Variants in SLC35F1 observed in about 807,000 individuals in gnomAD.
The protein encoded by SLC35F1 is solute carrier family 35 member F1, also known as chromosome 6 open reading frame 169.
Under a neutral mutation model 48.7 loss-of-function variants are expected in SLC35F1, and 14 were observed. The observed-to-expected ratio is 0.29, with a 90% confidence interval of 0.19 to 0.45. The LOEUF is 0.45. SLC35F1 is among the 20% of genes least tolerant of loss of function. SLC35F1 has a pLI of 1.00. For missense variants in SLC35F1, 404 were observed against 500.0 expected (o/e 0.81, Z 1.83); for synonymous variants, 190 against 202.2 (o/e 0.94, Z 0.51).
rs760546073 is a variant in SLC35F1 at position 118,314,252 on chromosome 6, G to A, written c.1227G>A (p.Ter409=). The A allele has an allele frequency of 6.2e-7, 1 of 1,613,908 alleles. No homozygotes were observed. Among genetic ancestry groups the A allele is most frequent in the Non-Finnish European group, 8.5e-7 (1 of 1,179,786 alleles). The part of the protein sequence containing the change: ...TEEEPHVRVA[*] ...AGGAGCCTCATGTTCGTGTGGCCTA[G>A]GGTGAGGCCCGCCCTGCCAACTGAG... The change falls in exon 8 of 8, where the codon TAG becomes TAA. Residue 409 remains the stop codon, a stop_retained_variant. Transcript: ENST00000360388.
At chr6:118,017,550 T>C (rs780839142) in intron 1 of SLC35F1, among the ~76,000 whole-genome samples, 7 of 152,144 alleles carry the variant, frequency 4.6e-5, no homozygotes, top group Admixed American at 6.5e-5. Flanking sequence ...AAGTAGAGAG[T>C]GCTCTTCTAA....
chr6:118,025,978 A>T (rs908376680), intron 1 of SLC35F1, among the ~76,000 whole-genome samples: 1 of 152,200 alleles, frequency 6.6e-6, no homozygotes, highest in African/African-American at 2.4e-5. Flanking sequence ...CATTCAACAC[A>T]TGCTTTTGGG....
chr6:117,984,804 A>G (rs1371995401), intron 1 of SLC35F1, among the ~76,000 whole-genome samples: 2 of 152,216 alleles, frequency 1.3e-5, no homozygotes, highest in Non-Finnish European at 2.9e-5. Context: ...CTTTCTACAG[A>G]TGCGTAAACT....
chr6:118,202,500 A>G (rs113179789), intron 2 of SLC35F1, among the ~76,000 whole-genome samples: 114 of 152,300 alleles, frequency 7.5e-4, no homozygotes, highest in African/African-American at 2.6e-3. Context: ...CTGTCCCAAA[A>G]TAAAATAAAA....
At position 118,031,860 on chromosome 6, in the gene SLC35F1, C is replaced by T. The variant is rs553337787; in HGVS notation, c.174-122585C>T. Among the ~76,000 whole-genome samples, 193 of 152,186 alleles carry T rather than the reference C, an allele frequency of 1.3e-3. 1 individual carries two copies. The highest frequency in any genetic ancestry group is 4.0e-3 in the African/African-American group (166 of 41,516). On this transcript the variant is annotated intron_variant, in intron 1 of 7. Coordinates refer to ENST00000360388, the MANE Select transcript of SLC35F1 (RefSeq NM_001029858.4). The stretch of plus-strand genomic sequence containing the variant: ...TGCTATGGAAAGGGGTGGTAACTCC[C>T]AGGTGTTGCCGTGGCAATGGTAAAC...
chr6:118,012,040 C>T (rs4945606), intron 1 of SLC35F1, among the ~76,000 whole-genome samples: 55,155 of 151,736 alleles, frequency 0.36, 10,661 homozygotes, highest in South Asian at 0.51. Flanking sequence ...TTGTTAACAA[C>T]AGGGTTAATG....
chr6:118,192,573 A>G (rs913476253), intron 2 of SLC35F1, among the ~76,000 whole-genome samples: 1 of 152,228 alleles, frequency 6.6e-6, no homozygotes, highest in South Asian at 2.1e-4. Context: ...TACACAATTA[A>G]CAAGGAAATT....
intron 1 of SLC35F1, among the ~76,000 whole-genome samples, chr6:118,105,686 A>G (rs1430593224): frequency 6.6e-6 from 1 of 152,138 alleles, no homozygotes; most frequent in African/African-American, 2.4e-5. Context: ...CTGTATTTTC[A>G]TCACACTCTT....
intron 3 of SLC35F1, among the ~76,000 whole-genome samples, chr6:118,257,035 G>T (rs748190230): frequency 6.6e-6 from 1 of 152,146 alleles, no homozygotes; most frequent in African/African-American, 2.4e-5. Context: ...ACATGAACAT[G>T]TATGTCATCT....
chr6:117,963,631 C>A (rs1776524739), intron 1 of SLC35F1, among the ~76,000 whole-genome samples: 1 of 152,030 alleles, frequency 6.6e-6, no homozygotes, highest in Non-Finnish European at 1.5e-5. Flanking sequence ...CCCCTGAATT[C>A]TTGAAGATTT....
chr6:118,132,909 T>A (rs552585982), intron 1 of SLC35F1, among the ~76,000 whole-genome samples: 6 of 152,288 alleles, frequency 3.9e-5, no homozygotes, highest in Admixed American at 6.5e-5. Flanking sequence ...TTGTCGGGAC[T>A]TTTTTAGTGG....
chr6:118,110,676 C>A (rs887352086), intron 1 of SLC35F1, among the ~76,000 whole-genome samples: 1 of 152,122 alleles, frequency 6.6e-6, no homozygotes, highest in East Asian at 1.9e-4. Flanking sequence ...TTTTGTCTCT[C>A]CTATTGTCTC....
intron 1 of SLC35F1, among the ~76,000 whole-genome samples, chr6:118,141,848 T>TA (rs1773895170): frequency 6.6e-6 from 1 of 152,332 alleles, no homozygotes; most frequent in African/African-American, 2.4e-5. Context: ...CAGTCCTCGT[T>TA]TCACTGGACT....
chr6:118,085,821 T>C (rs72961815), intron 1 of SLC35F1, among the ~76,000 whole-genome samples: 7 of 152,240 alleles, frequency 4.6e-5, no homozygotes, highest in Non-Finnish European at 1.0e-4. Flanking sequence ...ATTTAAGCAT[T>C]TGATGGATGG....
At chr6:117,964,448 A>G (rs995690967) in intron 1 of SLC35F1, among the ~76,000 whole-genome samples, 10 of 152,202 alleles carry the variant, frequency 6.6e-5, no homozygotes, top group African/African-American at 2.4e-4. Flanking sequence ...CTAAACTACT[A>G]TTTGTACACT....
intron 2 of SLC35F1, among the ~76,000 whole-genome samples, chr6:118,160,279 T>C (rs576519303): frequency 6.6e-6 from 1 of 152,236 alleles, no homozygotes; most frequent in South Asian, 2.1e-4. Context: ...AAGTTTTGCT[T>C]TTTCATTGAA....
At chr6:117,999,670 T>G (rs1777061005) in intron 1 of SLC35F1, among the ~76,000 whole-genome samples, 1 of 151,976 alleles carries the variant, frequency 6.6e-6, no homozygotes, top group South Asian at 2.1e-4. Context: ...GCTGGTTTTT[T>G]GAAAGGATCA....
chr6:118,127,641 C>T (rs1377810982), intron 1 of SLC35F1, among the ~76,000 whole-genome samples: 1 of 151,800 alleles, frequency 6.6e-6, no homozygotes, highest in Non-Finnish European at 1.5e-5. Flanking sequence ...CTTCCTTACA[C>T]CTTATACAAA....
At chr6:118,074,289 A>G (rs111536246) in intron 1 of SLC35F1, among the ~76,000 whole-genome samples, 2,218 of 152,348 alleles carry the variant, frequency 0.015, 62 homozygotes, top group African/African-American at 0.05. Flanking sequence ...CTGTATAAAG[A>G]AAGTGGAGTA....
Sources: gnomAD v4.1 joint callset for allele counts (sites outside exome capture counted in the v4.1 genomes callset) on GRCh38, gnomAD v4.1.1 for gene constraint, MANE v1.5 for transcripts, NCBI Gene and HGNC (gene_info 2026-07-23, HGNC 2026-07-21) for gene names.